SGMS1: variants seen among roughly 807,000 people sequenced by gnomAD.
The protein encoded by SGMS1 is phosphatidylcholine:ceramide cholinephosphotransferase 1.
In SGMS1, 13 loss-of-function variants were observed where a neutral mutation model predicts 46.2. That is an observed-to-expected ratio of 0.28 (90% CI 0.18 to 0.45). The LOEUF (loss-of-function observed/expected upper bound fraction) is 0.45. Ranked by LOEUF, SGMS1 falls within the 20% of genes least tolerant of loss-of-function variation. The probability of loss-of-function intolerance (pLI) is 1.00; values close to 1 mark genes in which losing one functional copy is unlikely to be tolerated. For missense variants in SGMS1, 324 were observed against 519.9 expected, an observed-to-expected ratio of 0.62 and a Z score of 3.66; for synonymous variants, 203 against 187.8, an observed-to-expected ratio of 1.08 and a Z score of -0.66.
At chr10:50,329,875 G>A (rs1031280808) in intron 7 of SGMS1, among the ~76,000 whole-genome samples, 1 of 151,978 alleles carries the variant, frequency 6.6e-6, no homozygotes, top group African/African-American at 2.4e-5. Flanking sequence ...GTTTGGTCGC[G>A]TTTATCTATT....
At chr10:50,391,432 C>A (rs561465590) in intron 6 of SGMS1, among the ~76,000 whole-genome samples, 1 of 152,194 alleles carries the variant, frequency 6.6e-6, no homozygotes, top group African/African-American at 2.4e-5. Flanking sequence ...CTCAGCATTG[C>A]CAATCATTAG....
chr10:50,373,254 T>G (rs545205150), intron 6 of SGMS1, among the ~76,000 whole-genome samples: 1 of 152,340 alleles, frequency 6.6e-6, no homozygotes, highest in African/African-American at 2.4e-5. Context: ...GTAGGAATAA[T>G]AAGATAATAC....
intron 1 of SGMS1, among the ~76,000 whole-genome samples, chr10:50,623,261 G>A (rs978695750): frequency 6.6e-6 from 1 of 152,170 alleles, no homozygotes; most frequent in Non-Finnish European, 1.5e-5. Context: ...GGCTGTGGGG[G>A]TGGAGCCGTG....
At chr10:50,494,648 GA>G (rs1837595068) in intron 3 of SGMS1, among the ~76,000 whole-genome samples, 1 of 152,136 alleles carries the variant, frequency 6.6e-6, no homozygotes, top group African/African-American at 2.4e-5. Flanking sequence ...TAGGAGGAGG[GA>G]AAAGATTAGG....
At chr10:50,348,601 A>G (rs935557044) in intron 6 of SGMS1, among the ~76,000 whole-genome samples, 4 of 152,180 alleles carry the variant, frequency 2.6e-5, no homozygotes, top group African/African-American at 4.8e-5. Context: ...TAGGAATCCA[A>G]CTGACAAGGG....
intron 3 of SGMS1, among the ~76,000 whole-genome samples, chr10:50,486,145 C>T (rs1837519415): frequency 1.3e-5 from 2 of 152,080 alleles, no homozygotes. Flanking sequence ...AGATCCTTTC[C>T]TTACACTTAA....
chr10:50,429,742 TA>T (rs1849381858), intron 6 of SGMS1, among the ~76,000 whole-genome samples: 11 of 3,624 alleles, frequency 3.0e-3, no homozygotes, highest in Non-Finnish European at 5.0e-3. Context: ...CACACACACA[TA>T]CTCTTTTCTC....
At chr10:50,616,093 C>T (rs1381772738) in intron 1 of SGMS1, among the ~76,000 whole-genome samples, 1 of 152,098 alleles carries the variant, frequency 6.6e-6, no homozygotes, top group East Asian at 1.9e-4. Context: ...TAAAAACAGA[C>T]AAAAGTATTA....
Position 50,306,435 on chromosome 10 carries a change from T to C in SGMS1, c.*707A>G, listed in dbSNP as rs1847183059. The C allele has an allele frequency of 6.5e-6, 1 of 152,700 alleles. No homozygotes were observed. Among genetic ancestry groups the C allele is most frequent in the Admixed American group, 6.5e-5 (1 of 15,284 alleles). 9.5% of individuals were successfully genotyped at this position (152,700 alleles called of 1,614,324 possible). On this transcript the variant is annotated 3_prime_UTR_variant, in exon 11 of 11. Transcript: ENST00000361781. ...ACAAATTTCTCTCCCAAGATGCATT[T>C]TTAAATTTTAACTCTCTTCTCTCTG...
chr10:50,610,702 TG>T lies in SGMS1; in HGVS notation c.-684+13004del, dbSNP rs879420973. 1.2e-4 allele frequency among the ~76,000 whole-genome samples: 18 copies of T among 152,180 alleles called. 1 individual carries two copies. The highest frequency in any genetic ancestry group is 2.4e-4 in the Non-Finnish European group (16 of 68,038). On this transcript the variant is annotated intron_variant, in intron 1 of 10. Transcript: ENST00000361781. ...AGCAAATGTTAAATTACCAACCTTG[TG>T]AACAGGTGGCAGAGACATTCTGAGG...
At chr10:50,356,458 C>T (rs1848149910) in intron 6 of SGMS1, among the ~76,000 whole-genome samples, 1 of 152,016 alleles carries the variant, frequency 6.6e-6, no homozygotes, top group Non-Finnish European at 1.5e-5. Context: ...CCTAGGAAAA[C>T]CAGAGACCTT....
At chr10:50,620,946 G>A (rs1453510027) in intron 1 of SGMS1, among the ~76,000 whole-genome samples, 2 of 152,146 alleles carry the variant, frequency 1.3e-5, no homozygotes, top group Admixed American at 6.5e-5. Context: ...CACTTTGAGA[G>A]GCCAAGGTGA....
At chr10:50,491,321 C>G (rs542585451) in intron 3 of SGMS1, among the ~76,000 whole-genome samples, 1 of 152,282 alleles carries the variant, frequency 6.6e-6, no homozygotes, top group African/African-American at 2.4e-5. Context: ...TCACTGTACT[C>G]TAGCCTGGGT....
chr10:50,421,726 T>A (rs895528534), intron 6 of SGMS1, among the ~76,000 whole-genome samples: 1 of 152,146 alleles, frequency 6.6e-6, no homozygotes, highest in Non-Finnish European at 1.5e-5. Context: ...CCCTGGCCTA[T>A]GTAGTGGAGA....
At chr10:50,527,195 G>A (rs1442156238) in intron 2 of SGMS1, among the ~76,000 whole-genome samples, 7 of 152,066 alleles carry the variant, frequency 4.6e-5, no homozygotes, top group Non-Finnish European at 1.0e-4. Context: ...CAAGCATGGA[G>A]CAGTGGGGTA....
intron 1 of SGMS1, among the ~76,000 whole-genome samples, chr10:50,600,473 TAGA>T (rs1047816604): frequency 2.0e-5 from 3 of 152,154 alleles, no homozygotes; most frequent in African/African-American, 7.2e-5. Context: ...CAAATACAAA[TAGA>T]AGGTGTTATT....
intron 3 of SGMS1, among the ~76,000 whole-genome samples, chr10:50,468,869 A>C (rs1477876388): frequency 2.6e-5 from 4 of 152,234 alleles, no homozygotes; most frequent in Non-Finnish European, 5.9e-5. Flanking sequence ...ATCTTCCTAC[A>C]TCCTCACTGG....
rs201224689 is a variant in SGMS1 at position 50,308,021 on chromosome 10, C to T, written c.1023G>A (p.Thr341=). 3.0e-5 allele frequency: 49 copies of T among 1,613,934 alleles called. 1 individual carries two copies. The Admixed American group carries it at 3.8e-4, about 13-fold the overall frequency. ...VDVVVAYYIT[T]RLFWWYHTMA... is the part of the protein sequence containing the mutation. ...TAGTGTGATACCACCAGAAGAGTCT[C>T]GTGGTGATGTAATATGCCACCACCA... Residue 341 remains threonine, a synonymous_variant, in exon 10 of 11, where the codon ACG becomes ACA. Coordinates refer to ENST00000361781, the MANE Select transcript of SGMS1 (RefSeq NM_147156.4).
At chr10:50,379,735 A>G (rs1848574406) in intron 6 of SGMS1, among the ~76,000 whole-genome samples, 1 of 152,192 alleles carries the variant, frequency 6.6e-6, no homozygotes, top group Non-Finnish European at 1.5e-5. Context: ...ATTGTGACAC[A>G]GCCACCAAGG....
Sources: allele counts gnomAD v4.1 joint callset (sites outside exome capture counted in the v4.1 genomes callset), GRCh38; gene constraint gnomAD v4.1.1; transcripts MANE v1.5; gene names NCBI Gene and HGNC (gene_info 2026-07-23, HGNC 2026-07-21).